LGSN: variants seen among roughly 807,000 people sequenced by gnomAD.
The protein encoded by LGSN is lengsin, lens protein with glutamine synthetase domain, also known as lengsin.
Under a neutral mutation model 19.5 loss-of-function variants are expected in LGSN, and 21 were observed. The observed-to-expected ratio is 1.07, with a 90% confidence interval of 0.76 to 1.55. The LOEUF is 1.55. LGSN is among the 40% of genes most tolerant of loss of function. The probability of loss-of-function intolerance (pLI) is 0.00; values close to 1 mark genes in which losing one functional copy is unlikely to be tolerated. For missense variants in LGSN, 673 were observed against 608.5 expected (o/e 1.11, Z -1.12); for synonymous variants, 257 against 215.6 (o/e 1.19, Z -1.68).
the LGSN span, among the ~76,000 whole-genome samples, chr6:63,564,458 TTAAA>T: frequency 2.6e-5 from 4 of 152,192 alleles, no homozygotes; most frequent in African/African-American, 9.7e-5. Flanking sequence ...GTAGCTTTTG[TTAAA>T]TAAATGTTAT....
At chr6:63,310,257 A>C (rs1398346276) in intron 1 of LGSN, among the ~76,000 whole-genome samples, 1 of 152,192 alleles carries the variant, frequency 6.6e-6, no homozygotes, top group African/African-American at 2.4e-5. Context: ...CATCCATTAC[A>C]AAATGATTAA....
chr6:63,361,847 G>A, the LGSN span, among the ~76,000 whole-genome samples: 92 of 152,266 alleles, frequency 6.0e-4, no homozygotes, highest in African/African-American at 2.0e-3. Context: ...ATGATTTTCA[G>A]TGAACTTCTT....
the LGSN span, among the ~76,000 whole-genome samples, chr6:63,520,387 G>T: frequency 6.6e-6 from 1 of 152,174 alleles, no homozygotes; most frequent in Non-Finnish European, 1.5e-5. Flanking sequence ...AGCACTTTGG[G>T]AGACTGAGGC....
At chr6:63,500,649 G>A in the LGSN span, among the ~76,000 whole-genome samples, 2 of 152,026 alleles carry the variant, frequency 1.3e-5, no homozygotes, top group Admixed American at 1.3e-4. Context: ...TCAAACTCCC[G>A]ACCTCAGGTG....
the LGSN span, among the ~76,000 whole-genome samples, chr6:63,352,857 A>AT: frequency 1.3e-5 from 2 of 150,964 alleles, no homozygotes; most frequent in Non-Finnish European, 1.5e-5. Flanking sequence ...AAACAGCTGG[A>AT]TTTTTTTTTA....
chr6:63,443,591 C>A, the LGSN span: 1 of 1,046,996 alleles, frequency 9.6e-7, no homozygotes, highest in South Asian at 3.8e-5. Flanking sequence ...GAGCTTGTCC[C>A]CAGCACCTGC....
chr6:63,356,960 T>A, the LGSN span, among the ~76,000 whole-genome samples: 1 of 151,408 alleles, frequency 6.6e-6, no homozygotes, highest in African/African-American at 2.4e-5. Flanking sequence ...TAGTTATATC[T>A]CCTAATGCCA....
At chr6:63,526,136 C>T in the LGSN span, among the ~76,000 whole-genome samples, 1 of 151,780 alleles carries the variant, frequency 6.6e-6, no homozygotes, top group Non-Finnish European at 1.5e-5. Context: ...ACCAGCCTGG[C>T]CAACATGGTG....
chr6:63,280,980 G>T lies in LGSN; in HGVS notation c.571C>A (p.Gln191Lys). ...LTSPRYIAKR[Q>K]LSHLQASGFS... is the part of the protein sequence containing the mutation. ...CCAGAGGCCTGCAGATGGCTCAGCTGCCTCTTTGCAATGTACCTTGGGGAA... is the reference window on the plus strand; with the variant it reads ...CCAGAGGCCTGCAGATGGCTCAGCTTCCTCTTTGCAATGTACCTTGGGGAA... The change falls in exon 4 of 4, where the codon CAG (glutamine) becomes AAG (lysine). Residue 191 changes from glutamine (Q) to lysine (K), a missense_variant. Transcript: ENST00000370657. 1 of 1,614,120 alleles carries T rather than the reference G, an allele frequency of 6.2e-7. No homozygotes were observed. The highest frequency in any genetic ancestry group is 1.1e-5 in the South Asian group (1 of 91,084).
At chr6:63,403,066 TAG>T in the LGSN span, among the ~76,000 whole-genome samples, 1 of 150,584 alleles carries the variant, frequency 6.6e-6, no homozygotes, top group African/African-American at 2.5e-5. Flanking sequence ...TAAATTTATA[TAG>T]AGATAGATAG....
At chr6:63,539,601 C>A in the LGSN span, among the ~76,000 whole-genome samples, 1 of 152,068 alleles carries the variant, frequency 6.6e-6, no homozygotes, top group African/African-American at 2.4e-5. Context: ...CATGGTGAAA[C>A]CCCGTCTCTA....
At chr6:63,380,208 T>C in the LGSN span, among the ~76,000 whole-genome samples, 1 of 152,266 alleles carries the variant, frequency 6.6e-6, no homozygotes, top group African/African-American at 2.4e-5. Context: ...TTTTGCATTA[T>C]TTAAATGTGT....
chr6:63,280,877 G>C lies in LGSN; in HGVS notation c.674C>G (p.Ser225Cys). Residue 225 changes from serine (S) to cysteine (C), a missense_variant, in exon 4 of 4, where the codon TCT (serine) becomes TGT (cysteine). Ser to Cys is a moderately radical substitution (Grantham distance 112). Coordinates refer to ENST00000370657, the MANE Select transcript of LGSN (RefSeq NM_016571.3). ...ATTTAAAAATGTTAAAGCAGGAAAA[G>C]ATATAATCTTTGAATTTAAAATTTC... ...VPEILNSKII[S>C]FPALTFLNNH... The C allele has an allele frequency of 6.2e-7, 1 of 1,613,966 alleles. No homozygotes were observed. The highest frequency in any genetic ancestry group is 1.1e-5 in the South Asian group (1 of 91,076).
chr6:63,391,913 A>G, the LGSN span, among the ~76,000 whole-genome samples: 28,045 of 152,170 alleles, frequency 0.18, 4,813 homozygotes, highest in African/African-American at 0.46. Flanking sequence ...CGCACAGAGC[A>G]ACTTGGTCTC....
chr6:63,372,107 T>C, the LGSN span, among the ~76,000 whole-genome samples: 1 of 152,224 alleles, frequency 6.6e-6, no homozygotes. Context: ...CTACAAAGTC[T>C]CTGCTTATGC....
At chr6:63,297,683 T>C (rs966448416) in intron 1 of LGSN, among the ~76,000 whole-genome samples, 2 of 152,216 alleles carry the variant, frequency 1.3e-5, no homozygotes, top group Admixed American at 6.5e-5. Flanking sequence ...GTTTGGGTTG[T>C]AATTCTGACC....
At chr6:63,365,065 A>G in the LGSN span, among the ~76,000 whole-genome samples, 121 of 151,780 alleles carry the variant, frequency 8.0e-4, no homozygotes, top group African/African-American at 2.6e-3. Flanking sequence ...AGCTAGCAGA[A>G]GACAAGAAAT....
the LGSN span, among the ~76,000 whole-genome samples, chr6:63,448,094 G>A: frequency 3.9e-5 from 6 of 152,160 alleles, no homozygotes; most frequent in East Asian, 3.9e-4. Context: ...TCAGAATGAG[G>A]TGCTTTTAAA....
At chr6:63,450,708 T>C in the LGSN span, among the ~76,000 whole-genome samples, 2 of 152,014 alleles carry the variant, frequency 1.3e-5, no homozygotes, top group Admixed American at 1.3e-4. Flanking sequence ...AGTCTTGCTC[T>C]GTGGCCCAGA....
Sources: gnomAD v4.1 joint callset for allele counts (sites outside exome capture counted in the v4.1 genomes callset) on GRCh38, gnomAD v4.1.1 for gene constraint, MANE v1.5 for transcripts, NCBI Gene and HGNC (gene_info 2026-07-23, HGNC 2026-07-21) for gene names.